The following TANC2 variants were observed in gnomAD, a reference collection of about 807,000 sequenced individuals.
TANC2 encodes the protein protein TANC2.
A neutral mutation model predicts 210.5 loss-of-function variants in TANC2; 26 were observed. That is an observed-to-expected ratio of 0.12 (90% CI 0.09 to 0.17). The LOEUF (loss-of-function observed/expected upper bound fraction) is 0.17. TANC2 is among the 10% of genes least tolerant of loss of function. TANC2 has a pLI of 1.00. For missense variants in TANC2, 2,129 were observed against 2,608.9 expected (o/e 0.82, Z 4.01); for synonymous variants, 931 against 967.1 (o/e 0.96, Z 0.69).
At chr17:63,255,549 G>A (rs2146190491) in intron 8 of TANC2, among the ~76,000 whole-genome samples, 1 of 152,198 alleles carries the variant, frequency 6.6e-6, no homozygotes, top group African/African-American at 2.4e-5. Flanking sequence ...GGTAAGTTGT[G>A]TATGTTGAGG....
intron 4 of TANC2, among the ~76,000 whole-genome samples, chr17:63,114,254 G>C (rs2038165417): frequency 6.6e-6 from 1 of 152,080 alleles, no homozygotes; most frequent in South Asian, 2.1e-4. Flanking sequence ...TAAAAACTGA[G>C]TATAAAGAAA....
chr17:63,424,387 G>C (rs2049096481), exon 28 of TANC2: 1 of 152,242 alleles, frequency 6.6e-6, no homozygotes. Flanking sequence ...ACCAGAGCTT[G>C]TTGGGGCAGG....
intron 7 of TANC2, among the ~76,000 whole-genome samples, chr17:63,211,786 A>G (rs2041893565): frequency 6.6e-6 from 1 of 152,358 alleles, no homozygotes. Context: ...ACATGGTAGC[A>G]TAGTAGATGC....
At chr17:63,118,941 C>T (rs1337644837) in intron 4 of TANC2, among the ~76,000 whole-genome samples, 1 of 151,772 alleles carries the variant, frequency 6.6e-6, no homozygotes, top group Admixed American at 6.6e-5. Context: ...CACCACCACG[C>T]CCGGCTAATT....
At chr17:63,177,910 A>C (rs1344754768) in intron 5 of TANC2, among the ~76,000 whole-genome samples, 1 of 152,200 alleles carries the variant, frequency 6.6e-6, no homozygotes, top group Non-Finnish European at 1.5e-5. Flanking sequence ...ACATAACCCC[A>C]AGGTACTTCT....
intron 2 of TANC2, among the ~76,000 whole-genome samples, chr17:63,062,915 C>T (rs375756253): frequency 2.0e-5 from 3 of 152,170 alleles, no homozygotes; most frequent in Non-Finnish European, 4.4e-5. Flanking sequence ...CAATTCAATT[C>T]TGGCTACTTA....
intron 2 of TANC2, among the ~76,000 whole-genome samples, chr17:63,071,833 A>AT (rs2036407534): frequency 6.6e-6 from 1 of 152,190 alleles, no homozygotes; most frequent in African/African-American, 2.4e-5. Flanking sequence ...AGAAAAGAAT[A>AT]AAACGGGAAC....
intron 21 of TANC2, among the ~76,000 whole-genome samples, chr17:63,408,842 G>T (rs1361354635): frequency 1.3e-5 from 2 of 152,232 alleles, no homozygotes; most frequent in African/African-American, 4.8e-5. Flanking sequence ...GCAGTAAGTT[G>T]ATCTCTGATG....
intron 1 of TANC2, among the ~76,000 whole-genome samples, chr17:62,975,202 A>C (rs2031932199): frequency 6.6e-6 from 1 of 152,180 alleles, no homozygotes; most frequent in African/African-American, 2.4e-5. Context: ...TGTCTGCCTA[A>C]ATGAAGGTAG....
chr17:63,096,436 AT>A (rs1222564325), intron 3 of TANC2, among the ~76,000 whole-genome samples: 2 of 152,214 alleles, frequency 1.3e-5, no homozygotes, highest in South Asian at 2.1e-4. Flanking sequence ...GGTTGAAGAA[AT>A]GGAGAGAACA....
intron 5 of TANC2, among the ~76,000 whole-genome samples, chr17:63,176,473 T>C (rs1005025095): frequency 6.6e-6 from 1 of 152,202 alleles, no homozygotes; most frequent in African/African-American, 2.4e-5. Context: ...TAATTACTTA[T>C]ATAAGCTTAT....
intron 14 of TANC2, among the ~76,000 whole-genome samples, chr17:63,363,925 C>G (rs1275344524): frequency 1.3e-5 from 2 of 152,222 alleles, no homozygotes; most frequent in African/African-American, 4.8e-5. Context: ...TTCTTCACTT[C>G]TAATTCTTCT....
At chr17:63,009,287 T>C (rs1052694103) in intron 1 of TANC2, among the ~76,000 whole-genome samples, 1 of 152,112 alleles carries the variant, frequency 6.6e-6, no homozygotes, top group Admixed American at 6.6e-5. Context: ...TTTTTACTTT[T>C]TGTGGGTACA....
At chr17:63,347,065 C>T (rs949629075) in intron 12 of TANC2, among the ~76,000 whole-genome samples, 8 of 152,146 alleles carry the variant, frequency 5.3e-5, no homozygotes, top group South Asian at 2.1e-4. Flanking sequence ...TCTATTGCTA[C>T]GTATTTACCC....
intron 18 of TANC2, chr17:63,396,542 AG>A (rs1305969831): frequency 6.5e-6 from 1 of 154,204 alleles, no homozygotes; most frequent in Non-Finnish European, 1.4e-5. Flanking sequence ...AACTGTGAAG[AG>A]GGGTGTGGGG....
chr17:63,103,019 C>G (rs577997412), intron 4 of TANC2, among the ~76,000 whole-genome samples: 2 of 152,012 alleles, frequency 1.3e-5, no homozygotes, highest in African/African-American at 4.8e-5. Flanking sequence ...TATATGCAAA[C>G]ACTGTGCCAT....
intron 7 of TANC2, among the ~76,000 whole-genome samples, chr17:63,205,402 C>G (rs1278819555): frequency 1.6e-5 from 1 of 64,074 alleles, no homozygotes; most frequent in East Asian, 3.2e-4. Flanking sequence ...CAAAACATTG[C>G]AGAAGACATT....
exon 10 of TANC2, chr17:63,314,549 G>T: frequency 6.2e-7 from 1 of 1,613,968 alleles, no homozygotes; most frequent in Non-Finnish European, 8.5e-7. Flanking sequence ...CCAAGGAGTA[G>T]TGATTGTGGG....
intron 21 of TANC2, 78 bp from the exon 22 acceptor site, chr17:63,411,433 A>G: frequency 7.2e-7 from 1 of 1,388,748 alleles, no homozygotes; most frequent in Non-Finnish European, 9.8e-7. Flanking sequence ...TTGCAGGAGC[A>G]TGCCCCTTCA....
Sources: gnomAD v4.1 joint callset for allele counts (sites outside exome capture counted in the v4.1 genomes callset) on GRCh38, gnomAD v4.1.1 for gene constraint, MANE v1.5 for transcripts, NCBI Gene and HGNC (gene_info 2026-07-23, HGNC 2026-07-21) for gene names.